Variants in RMC1 observed in about 807,000 individuals in gnomAD.
RMC1 encodes the protein regulator of MON1-CCZ1 complex.
Under a neutral mutation model 95.5 loss-of-function variants are expected in RMC1, and 44 were observed. The ratio of observed to expected loss-of-function variants is 0.46; its 90% CI spans 0.36 to 0.59. The LOEUF is 0.59. RMC1 is among the 20% of genes least tolerant of loss of function. The pLI is 0.00. For synonymous variants in RMC1, 320 were observed against 303.6 expected, an observed-to-expected ratio of 1.05 and a Z score of -0.56; for missense variants, 705 against 819.6, an observed-to-expected ratio of 0.86 and a Z score of 1.71.
chr18:23,522,454 T>G (rs757532725), intron 10 of RMC1: 15 of 152,212 alleles, frequency 9.9e-5, no homozygotes, highest in Non-Finnish European at 1.8e-4. Flanking sequence ...TTCTTAAACT[T>G]TCTTAAAACA....
intron 5 of RMC1, among the ~76,000 whole-genome samples, chr18:23,514,891 G>A (rs2057959312): frequency 6.6e-6 from 1 of 152,200 alleles, no homozygotes; most frequent in African/African-American, 2.4e-5. Flanking sequence ...AGTGTACCAT[G>A]AGCATTAATG....
intron 5 of RMC1, among the ~76,000 whole-genome samples, chr18:23,512,314 C>A (rs2057884040): frequency 4.6e-5 from 7 of 152,192 alleles, no homozygotes; most frequent in Non-Finnish European, 7.4e-5. Context: ...AGCCACCATG[C>A]CTGGCCGAAA....
chr18:23,503,962 G>A (rs1178354187), intron 1 of RMC1, among the ~76,000 whole-genome samples: 1 of 151,872 alleles, frequency 6.6e-6, no homozygotes, highest in Non-Finnish European at 1.5e-5. Flanking sequence ...CCCGTGGCCA[G>A]TGTCTCAATT....
chr18:23,515,495 C>G (rs1043502083), intron 5 of RMC1, among the ~76,000 whole-genome samples: 8 of 152,086 alleles, frequency 5.3e-5, no homozygotes, highest in African/African-American at 1.9e-4. Flanking sequence ...ATTCTCAGAG[C>G]GCACTGTAAG....
intron 12 of RMC1, 78 bp from the exon 13 acceptor site, chr18:23,526,559 G>T: frequency 6.5e-7 from 1 of 1,542,978 alleles, no homozygotes; most frequent in Non-Finnish European, 8.8e-7. Context: ...CCGCCCCGCA[G>T]ATGTTTAGGG....
intron 5 of RMC1, 92 bp downstream of exon 5, chr18:23,509,371 A>ATT: frequency 2.8e-6 from 1 of 362,940 alleles, no homozygotes; most frequent in Non-Finnish European, 4.6e-6. Context: ...ATATATATAT[A>ATT]TTTTAAACAT....
rs754656257 is a variant in RMC1 at position 23,519,127 on chromosome 18, C to T, written c.802C>T (p.Leu268=). The change falls in exon 9 of 20, where the codon CTG becomes TTG. Residue 268 remains leucine (L), a synonymous_variant. Transcript: ENST00000269221. The stretch of plus-strand genomic sequence containing the variant: ...GTTAAATAGGACGGGAAAGTTTGCC[C>T]TGAACGTGGTGGACAACCTGGTAGT... ...LKLNRTGKFA[L]NVVDNLVVVH... is the part of the protein sequence containing the mutation. 8 of 1,614,020 alleles carry T rather than the reference C, an allele frequency of 5.0e-6. No homozygotes were observed. Among genetic ancestry groups the T allele is most frequent in the Non-Finnish European group, 6.8e-6 (8 of 1,180,046 alleles).
chr18:23,503,719 A>C lies in RMC1; in HGVS notation c.101A>C (p.Gln34Pro). 1 of 1,584,748 alleles carries C rather than the reference A, an allele frequency of 6.3e-7. No homozygotes were observed. Among genetic ancestry groups the C allele is most frequent in the Non-Finnish European group, 8.6e-7 (1 of 1,166,772 alleles). ...GTCTTCTTCGATGAGGCCAACAAGCAGGTCCGGCGCGCCCGCGCTTCCTCC... is the reference window on the plus strand; with the variant it reads ...GTCTTCTTCGATGAGGCCAACAAGCCGGTCCGGCGCGCCCGCGCTTCCTCC... ...NCVFFDEANKQVFAVRSGGAT... is the reference protein window; with the variant it reads ...NCVFFDEANKPVFAVRSGGAT... The change falls in exon 1 of 20, where the codon CAG becomes CCG. Residue 34 changes from glutamine to proline, a missense_variant and splice_region_variant. Physicochemically the swap from Gln to Pro is moderately conservative, Grantham distance 76. Coordinates refer to ENST00000269221, the MANE Select transcript of RMC1 (RefSeq NM_013326.5).
At chr18:23,521,501 C>T (rs1328729605) in intron 10 of RMC1, among the ~76,000 whole-genome samples, 1 of 152,158 alleles carries the variant, frequency 6.6e-6, no homozygotes, top group African/African-American at 2.4e-5. Context: ...ACAGTAAGTG[C>T]TTCGGCTGTG....
chr18:23,515,361 CGTGGCAA>C (rs1439038847), intron 5 of RMC1, among the ~76,000 whole-genome samples: 1 of 152,078 alleles, frequency 6.6e-6, no homozygotes, highest in Non-Finnish European at 1.5e-5. Flanking sequence ...GCCTCTCAGT[CGTGGCAA>C]AGAGTAAATG....
At chr18:23,525,079 T>C (rs2058257940) in intron 12 of RMC1, among the ~76,000 whole-genome samples, 2 of 150,486 alleles carry the variant, frequency 1.3e-5, no homozygotes, top group African/African-American at 2.4e-5. Flanking sequence ...CCTGAATAGC[T>C]GGGATTACAG....
rs78498599 is a variant in RMC1, at chr18:23,505,664, G to A, written c.179+1217G>A. Reference sequence around the variant, plus strand: ...GTCAGAGTTAGGGATGCTATGGAGAGTAGCAATCAGCGAGCCATGTGTGGT... The same window carrying A: ...GTCAGAGTTAGGGATGCTATGGAGAATAGCAATCAGCGAGCCATGTGTGGT... On this transcript the variant is annotated intron_variant, in intron 2 of 19. Transcript: ENST00000269221. Among the ~76,000 whole-genome samples the A allele has an allele frequency of 8.5e-5, 13 of 152,346 alleles. No individual in the cohort carries two copies. In the East Asian group the frequency reaches 2.5e-3, roughly 29 times the overall value.
chr18:23,517,598 C>A (rs541785610), intron 7 of RMC1, among the ~76,000 whole-genome samples: 1 of 152,192 alleles, frequency 6.6e-6, no homozygotes. Flanking sequence ...TTCTAAGTTA[C>A]TTCTGATTCT....
intron 10 of RMC1, chr18:23,522,808 T>G (rs2058178173): frequency 6.6e-6 from 1 of 152,370 alleles, no homozygotes; most frequent in East Asian, 1.9e-4. Flanking sequence ...GACTCTCCTT[T>G]TGTTTCCTGC....
chr18:23,530,079 T>C lies in RMC1; in HGVS notation c.1546T>C (p.Tyr516His). The change falls in exon 17 of 20, where the codon TAT (tyrosine) becomes CAT (histidine). Residue 516 changes from tyrosine to histidine, a missense_variant. By Grantham distance (83) the Tyr-to-His change is moderately conservative (BLOSUM62 2). Transcript: ENST00000269221. ...IKTLVQHNLF[Y>H]MLHQFLQYHV... Reference sequence around the variant, plus strand: ...AACCCTTGTCCAGCACAACCTCTTTTATATGCTGCATCAGTTCCTGCAGTA... The same window carrying C: ...AACCCTTGTCCAGCACAACCTCTTTCATATGCTGCATCAGTTCCTGCAGTA... 1 of 1,614,266 alleles carries C rather than the reference T, an allele frequency of 6.2e-7. No individual in the cohort carries two copies. The highest frequency in any genetic ancestry group is 8.5e-7 in the Non-Finnish European group (1 of 1,180,052).
intron 2 of RMC1, 66 bp from the exon 3 acceptor site, chr18:23,506,904 T>G: frequency 8.8e-7 from 1 of 1,132,194 alleles, no homozygotes; most frequent in Non-Finnish European, 1.3e-6. Context: ...GTCTTTTGCC[T>G]TTTCAATAAA....
intron 1 of RMC1, 122 bp from the exon 2 acceptor site, chr18:23,504,249 T>A (rs2057660226): frequency 3.9e-6 from 3 of 774,304 alleles, no homozygotes; most frequent in Non-Finnish European, 6.8e-6. Context: ...CCTTGATATG[T>A]GCCGTGTTAC....
chr18:23,529,087 A>G, intron 14 of RMC1, 92 bp from the exon 15 acceptor site: 8 of 1,521,476 alleles, frequency 5.3e-6, no homozygotes, highest in Non-Finnish European at 4.4e-6. Flanking sequence ...TCCTGGGTCC[A>G]CATCGAAGAA....
chr18:23,530,135 A>G lies in RMC1; in HGVS notation c.1599+3A>G. 4 of 1,613,928 alleles carry G rather than the reference A, an allele frequency of 2.5e-6. No individual in the cohort carries two copies. Among genetic ancestry groups the G allele is most frequent in the Non-Finnish European group, 3.4e-6 (4 of 1,179,778 alleles). On this transcript the variant is annotated splice_donor_region_variant and intron_variant, in intron 17 of 19. Transcript: ENST00000269221. ...TCCTCAGCGACTCCAAACCTTTGGT[A>G]TGCATTGCCAGATTTTTACTTCCAT...
Sources: allele counts gnomAD v4.1 joint callset (sites outside exome capture counted in the v4.1 genomes callset), GRCh38; gene constraint gnomAD v4.1.1; transcripts MANE v1.5; gene names NCBI Gene and HGNC (gene_info 2026-07-23, HGNC 2026-07-21).